Variants in NALCN observed in about 807,000 individuals in gnomAD.
NALCN encodes sodium leak channel, non-selective.
A neutral mutation model predicts 225.3 loss-of-function variants in NALCN; 111 were observed. The ratio of observed to expected loss-of-function variants is 0.49; its 90% CI spans 0.42 to 0.58. The LOEUF (loss-of-function observed/expected upper bound fraction) is 0.58, where lower values mean the gene tolerates loss of function less well. Ranked by LOEUF, NALCN falls within the 20% of genes least tolerant of loss-of-function variation. The pLI is 0.00. For synonymous variants in NALCN, 764 were observed against 769.0 expected (o/e 0.99, Z 0.11); for missense variants, 1,378 against 2,202.4 (o/e 0.63, Z 7.49).
rs1158920780 is a variant in NALCN at position 101,055,323 on chromosome 13, T to C, written c.5189A>G (p.Glu1730Gly). Residue 1730 changes from glutamate to glycine, a missense_variant, in exon 44 of 44, where the codon GAA becomes GGA. By Grantham distance (98) the Glu-to-Gly change is moderately conservative. This residue lies in a region of NALCN where 145 missense variants were observed against 169.6 expected (regional missense o/e 0.85). Coordinates refer to ENST00000251127, the MANE Select transcript of NALCN (RefSeq NM_052867.4). ...AATATCCAGAAGGTCATCCCCACTTTCGTCGCTCTCCACAGTCAGCTGCCG... is the reference window on the plus strand; with the variant it reads ...AATATCCAGAAGGTCATCCCCACTTCCGTCGCTCTCCACAGTCAGCTGCCG... ...WTRQLTVESD[E>G]SGDDLLDI The C allele has an allele frequency of 6.2e-7, 1 of 1,613,664 alleles. No individual in the cohort carries two copies. The highest frequency in any genetic ancestry group is 1.3e-5 in the African/African-American group (1 of 74,922).
intron 3 of NALCN, among the ~76,000 whole-genome samples, chr13:101,387,962 TAA>T (rs1163543856): frequency 6.6e-6 from 1 of 152,224 alleles, no homozygotes; most frequent in Non-Finnish European, 1.5e-5. Context: ...ATTAAAAGTT[TAA>T]GTTTTGAATA....
intron 10 of NALCN, among the ~76,000 whole-genome samples, chr13:101,265,619 T>C (rs2042571554): frequency 6.6e-6 from 1 of 152,214 alleles, no homozygotes; most frequent in African/African-American, 2.4e-5. Context: ...GAGTGCTTGG[T>C]TTGTGCCAAG....
chr13:101,103,451 G>A (rs2139609964), intron 25 of NALCN, 112 bp from the exon 26 acceptor site: 2 of 1,272,344 alleles, frequency 1.6e-6, no homozygotes, highest in South Asian at 3.0e-5. Flanking sequence ...CCACTCACTG[G>A]TTGTACGTGC....
At chr13:101,347,558 T>C (rs2045779531) in intron 6 of NALCN, among the ~76,000 whole-genome samples, 1 of 152,220 alleles carries the variant, frequency 6.6e-6, no homozygotes, top group African/African-American at 2.4e-5. Flanking sequence ...GTACAAATAC[T>C]ATGAACCTCA....
chr13:101,219,035 A>G (rs749932810), intron 13 of NALCN, among the ~76,000 whole-genome samples: 4 of 152,120 alleles, frequency 2.6e-5, no homozygotes, highest in Non-Finnish European at 5.9e-5. Context: ...TGATTACTTC[A>G]TTTTAACTTG....
chr13:101,230,190 A>G (rs1460233313), intron 12 of NALCN, among the ~76,000 whole-genome samples: 1 of 152,222 alleles, frequency 6.6e-6, no homozygotes. Context: ...CCAAAATCTG[A>G]CAAACATCGA....
intron 7 of NALCN, among the ~76,000 whole-genome samples, chr13:101,329,430 T>C (rs1339039232): frequency 1.3e-5 from 2 of 152,188 alleles, no homozygotes; most frequent in East Asian, 3.9e-4. Flanking sequence ...TATTGCTGAT[T>C]TGCAGTCTTG....
chr13:101,304,045 C>A (rs1566553258), intron 7 of NALCN, among the ~76,000 whole-genome samples: 1 of 152,122 alleles, frequency 6.6e-6, no homozygotes, highest in East Asian at 1.9e-4. Flanking sequence ...GTTCATCAAC[C>A]AATGCAGGGT....
intron 17 of NALCN, among the ~76,000 whole-genome samples, chr13:101,142,535 T>G (rs2037138566): frequency 6.6e-6 from 1 of 152,212 alleles, no homozygotes; most frequent in Admixed American, 6.5e-5. Context: ...GGTTCCCTAC[T>G]GATACTTTGC....
chr13:101,217,336 T>G (rs1201176750), intron 13 of NALCN, among the ~76,000 whole-genome samples: 1 of 152,204 alleles, frequency 6.6e-6, no homozygotes, highest in Non-Finnish European at 1.5e-5. Context: ...TACAATATAT[T>G]CATCCCAACA....
At chr13:101,310,881 T>C (rs1451435259) in intron 7 of NALCN, among the ~76,000 whole-genome samples, 1 of 152,188 alleles carries the variant, frequency 6.6e-6, no homozygotes, top group African/African-American at 2.4e-5. Context: ...GAAAATAGGA[T>C]ATTCACATAT....
intron 6 of NALCN, among the ~76,000 whole-genome samples, chr13:101,354,392 G>A (rs1040441355): frequency 1.3e-5 from 2 of 152,146 alleles, no homozygotes; most frequent in African/African-American, 4.8e-5. Context: ...AGGATGCACT[G>A]ATCAGCTCCA....
At chr13:101,382,212 T>C (rs967831659) in intron 3 of NALCN, among the ~76,000 whole-genome samples, 2 of 150,344 alleles carry the variant, frequency 1.3e-5, no homozygotes, top group African/African-American at 4.9e-5. Flanking sequence ...CGGTGGAACA[T>C]TGAATGAGAG....
intron 34 of NALCN, among the ~76,000 whole-genome samples, chr13:101,077,242 T>C (rs893388883): frequency 1.3e-5 from 2 of 152,164 alleles, no homozygotes; most frequent in African/African-American, 4.8e-5. Context: ...TATTTCTTCA[T>C]AGCAGCATGA....
At position 101,258,564 on chromosome 13, in the gene NALCN, C is replaced by G. The variant is rs760275286; in HGVS notation, c.1145G>C (p.Arg382Pro). 6.2e-6 allele frequency: 10 copies of G among 1,613,984 alleles called. No homozygotes were observed. Among genetic ancestry groups the G allele is most frequent in the Non-Finnish European group, 8.5e-6 (10 of 1,180,020 alleles). ...RAPACLQKMM[R>P]SSVFHMFILS... is the part of the protein sequence containing the mutation. ...GATGAACATGTGGAAAACGGATGACCGCATCATTTTCTGAGGGGGCGAAAC... is the reference window on the plus strand; with the variant it reads ...GATGAACATGTGGAAAACGGATGACGGCATCATTTTCTGAGGGGGCGAAAC... Residue 382 changes from arginine (R) to proline (P), a missense_variant, in exon 11 of 44, where the codon CGG becomes CCG. Arg to Pro is a moderately radical substitution (Grantham distance 103, BLOSUM62 -2). Around this residue, in one of 19 missense-constraint regions of NALCN, gnomAD observed 144 missense variants for 187.7 expected, o/e 0.77. Coordinates refer to ENST00000251127, the MANE Select transcript of NALCN (RefSeq NM_052867.4).
At chr13:101,061,704 T>G in intron 41 of NALCN, among the ~76,000 whole-genome samples, 1 of 152,152 alleles carries the variant, frequency 6.6e-6, no homozygotes, top group East Asian at 1.9e-4. Context: ...TTTTTAAGTC[T>G]TCATGTCATA....
intron 4 of NALCN, among the ~76,000 whole-genome samples, chr13:101,377,298 T>C (rs1395621259): frequency 6.6e-6 from 1 of 152,230 alleles, no homozygotes; most frequent in African/African-American, 2.4e-5. Context: ...GTCTCGTTCG[T>C]TAAGACAGTT....
intron 1 of NALCN, among the ~76,000 whole-genome samples, chr13:101,401,349 G>C (rs1383347842): frequency 2.0e-5 from 3 of 152,094 alleles, no homozygotes; most frequent in African/African-American, 7.2e-5. Flanking sequence ...CTCAATTTGA[G>C]ATGCCTCTTC....
At position 101,109,800 on chromosome 13, in the gene NALCN, C is replaced by T. The variant is rs79076253; in HGVS notation, c.2364+819G>A. Among the ~76,000 whole-genome samples the T allele has an allele frequency of 0.017, 2,595 of 152,128 alleles. 120 individuals carry two copies. In the East Asian group the frequency reaches 0.2, roughly 11 times the overall value. ...GTCTCCTTCATTTCATTTGGGTCTC[C>T]GGGATAATGCAGATGGGTCTACGAT... On this transcript the variant is annotated intron_variant, in intron 20 of 43. Transcript: ENST00000251127.
Sources: gnomAD v4.1 joint callset for allele counts (sites outside exome capture counted in the v4.1 genomes callset) on GRCh38, gnomAD v4.1.1 for gene constraint, gnomAD v4.1.1 regional missense constraint, MANE v1.5 for transcripts, NCBI Gene and HGNC (gene_info 2026-07-23, HGNC 2026-07-21) for gene names.